ZFHX4: variants seen among roughly 807,000 people sequenced by gnomAD.
ZFHX4 encodes zinc finger homeobox 4.
ZFHX4 carries 56 observed loss-of-function variants against 267.6 expected under a neutral mutation model. That is an observed-to-expected ratio of 0.21 (90% CI 0.17 to 0.26). The LOEUF is 0.26. ZFHX4 is among the 10% of genes least tolerant of loss of function. The pLI is 1.00. For synonymous variants in ZFHX4, 1,778 were observed against 1,665.6 expected (o/e 1.07, Z -1.64); for missense variants, 4,332 against 4,420.0 (o/e 0.98, Z 0.56).
intron 4 of ZFHX4, among the ~76,000 whole-genome samples, chr8:76,784,137 C>G (rs1810624771): frequency 6.6e-6 from 1 of 151,984 alleles, no homozygotes; most frequent in Non-Finnish European, 1.5e-5. Context: ...TGCCAAGTCA[C>G]AGCTGTGTAT....
intron 10 of ZFHX4, among the ~76,000 whole-genome samples, chr8:76,857,481 A>C (rs1812763951): frequency 6.6e-6 from 1 of 151,918 alleles, no homozygotes. Context: ...TTACAAAAAA[A>C]CAAAATTGCC....
intron 3 of ZFHX4, among the ~76,000 whole-genome samples, chr8:76,747,301 G>T (rs1193067650): frequency 6.6e-6 from 1 of 152,082 alleles, no homozygotes; most frequent in South Asian, 2.1e-4. Context: ...GGTTCAGGGG[G>T]TACATGTACA....
At chr8:76,688,465 TG>T (rs1245384762) in intron 1 of ZFHX4, among the ~76,000 whole-genome samples, 1 of 152,136 alleles carries the variant, frequency 6.6e-6, no homozygotes, top group Non-Finnish European at 1.5e-5. Context: ...GTCTTCATGT[TG>T]CTTTGTAGGT....
chr8:76,759,652 A>G (rs755034060), intron 3 of ZFHX4, among the ~76,000 whole-genome samples: 4 of 152,240 alleles, frequency 2.6e-5, no homozygotes, highest in Non-Finnish European at 4.4e-5. Context: ...GTTTGGAAAT[A>G]CATTTAAATG....
At chr8:76,834,843 C>T (rs1025769279) in intron 5 of ZFHX4, among the ~76,000 whole-genome samples, 2 of 151,814 alleles carry the variant, frequency 1.3e-5, no homozygotes, top group African/African-American at 4.8e-5. Context: ...CCAGATTTTC[C>T]CTTATGTTAT....
At position 76,708,023 on chromosome 8, in the gene ZFHX4, A is replaced by G; in HGVS notation, c.3068A>G (p.His1023Arg). ...KLRLHTTNHR[H>R]EAALKLYKHL... ...CGCTTGCATACCACCAATCACAGGCACGAGGCGGCCCTGAAGCTCTACAAG... is the reference window on the plus strand; with the variant it reads ...CGCTTGCATACCACCAATCACAGGCGCGAGGCGGCCCTGAAGCTCTACAAG... The change falls in exon 3 of 11, where the codon CAC becomes CGC. Residue 1023 changes from histidine to arginine, a missense_variant. Physicochemically the swap from His to Arg is conservative, Grantham distance 29. Around this residue, in one of 7 missense-constraint regions of ZFHX4, gnomAD observed 1,371 missense variants for 1,423.1 expected, o/e 0.96. Coordinates refer to ENST00000651372, the MANE Select transcript of ZFHX4 (RefSeq NM_024721.5). 6.2e-7 allele frequency: 1 copy of G among 1,613,792 alleles called. No homozygotes were observed. Among genetic ancestry groups the G allele is most frequent in the Non-Finnish European group, 8.5e-7 (1 of 1,179,886 alleles).
At chr8:76,842,603 T>G (rs1812263676) in intron 5 of ZFHX4, 52 bp from the exon 6 acceptor site, 1 of 1,367,880 alleles carries the variant, frequency 7.3e-7, no homozygotes, top group Non-Finnish European at 1.0e-6. Context: ...TATTTCAGTG[T>G]GAACTTTTGG....
At chr8:76,862,786 C>T (rs1045135161) in intron 10 of ZFHX4, among the ~76,000 whole-genome samples, 8 of 152,076 alleles carry the variant, frequency 5.3e-5, no homozygotes, top group African/African-American at 1.4e-4. Flanking sequence ...CTATAGTTCA[C>T]GATGATGTTT....
chr8:76,720,461 G>C (rs543631811), intron 3 of ZFHX4, among the ~76,000 whole-genome samples: 3 of 152,242 alleles, frequency 2.0e-5, no homozygotes, highest in Admixed American at 2.0e-4. Flanking sequence ...TATGGAAAAT[G>C]ATGCTATGAA....
chr8:76,757,587 C>G (rs1809797520), intron 3 of ZFHX4, among the ~76,000 whole-genome samples: 1 of 152,214 alleles, frequency 6.6e-6, no homozygotes, highest in South Asian at 2.1e-4. Context: ...CTGTTCCATT[C>G]TACTCTCATG....
chr8:76,786,224 T>C (rs745965582), intron 4 of ZFHX4, among the ~76,000 whole-genome samples: 1 of 151,908 alleles, frequency 6.6e-6, no homozygotes, highest in Non-Finnish European at 1.5e-5. Flanking sequence ...AGACAGAACT[T>C]TTAAAAAAAA....
chr8:76,782,453 A>G (rs1169138440), intron 4 of ZFHX4, among the ~76,000 whole-genome samples: 1 of 152,024 alleles, frequency 6.6e-6, no homozygotes, highest in Non-Finnish European at 1.5e-5. Context: ...TGCAGTAGAG[A>G]TGGAAAGAAA....
At chr8:76,770,790 T>A (rs1339960617) in intron 3 of ZFHX4, among the ~76,000 whole-genome samples, 1 of 152,034 alleles carries the variant, frequency 6.6e-6, no homozygotes, top group Admixed American at 6.6e-5. Flanking sequence ...GGGGGGAAGG[T>A]AAATTGTCAA....
At chr8:76,719,653 C>T (rs1808668040) in intron 3 of ZFHX4, among the ~76,000 whole-genome samples, 1 of 152,092 alleles carries the variant, frequency 6.6e-6, no homozygotes, top group African/African-American at 2.4e-5. Flanking sequence ...CTAATTAACA[C>T]TCTGCTCTTT....
intron 3 of ZFHX4, among the ~76,000 whole-genome samples, chr8:76,772,627 C>T (rs928652706): frequency 1.4e-4 from 22 of 152,100 alleles, no homozygotes; most frequent in African/African-American, 3.9e-4. Flanking sequence ...CTAGGCAGCA[C>T]GACATGGCCA....
At chr8:76,753,043 A>G (rs923166216) in intron 3 of ZFHX4, among the ~76,000 whole-genome samples, 4 of 152,206 alleles carry the variant, frequency 2.6e-5, no homozygotes, top group African/African-American at 9.7e-5. Context: ...TTCTTTGTAG[A>G]GATAGGGTTG....
At chr8:76,811,608 T>C (rs555685936) in intron 4 of ZFHX4, among the ~76,000 whole-genome samples, 1 of 152,292 alleles carries the variant, frequency 6.6e-6, no homozygotes, top group African/African-American at 2.4e-5. Context: ...TGGCCTTCTG[T>C]ACATAAATAA....
intron 3 of ZFHX4, among the ~76,000 whole-genome samples, chr8:76,715,430 C>T (rs888034585): frequency 6.3e-5 from 9 of 141,918 alleles, no homozygotes; most frequent in East Asian, 2.2e-4. Context: ...TGCAGTGAGC[C>T]GAGATTGCGC....
chr8:76,769,374 G>C (rs1239461546), intron 3 of ZFHX4, among the ~76,000 whole-genome samples: 2 of 150,704 alleles, frequency 1.3e-5, no homozygotes, highest in Non-Finnish European at 3.0e-5. Flanking sequence ...TTTTAAGACA[G>C]GGTCTTGCTC....
Sources: gnomAD v4.1 joint callset for allele counts (sites outside exome capture counted in the v4.1 genomes callset) on GRCh38, gnomAD v4.1.1 for gene constraint, gnomAD v4.1.1 regional missense constraint, MANE v1.5 for transcripts, NCBI Gene and HGNC (gene_info 2026-07-23, HGNC 2026-07-21) for gene names.